Variants in GNB4 observed in about 807,000 individuals in gnomAD.
The protein encoded by GNB4 is G protein subunit beta 4.
A neutral mutation model predicts 45.2 loss-of-function variants in GNB4; 28 were observed. That is an observed-to-expected ratio of 0.62 (90% CI 0.46 to 0.85). GNB4 has a LOEUF of 0.85. GNB4 is among the 40% of genes least tolerant of loss of function. GNB4 has a pLI of 0.00. For missense variants in GNB4, 321 were observed against 425.4 expected (o/e 0.75, Z 2.16); for synonymous variants, 132 against 143.7 (o/e 0.92, Z 0.58).
chr3:179,507,136 C>T, the GNB4 span, among the ~76,000 whole-genome samples: 1 of 152,174 alleles, frequency 6.6e-6, no homozygotes, highest in Non-Finnish European at 1.5e-5. Context: ...CTTCATGCAT[C>T]GTAAATAAGT....
the GNB4 span, among the ~76,000 whole-genome samples, chr3:179,478,701 C>T: frequency 2.0e-5 from 3 of 152,130 alleles, no homozygotes. Context: ...TGCACCACCA[C>T]ACCCACTGAT....
chr3:179,520,270 C>T, the GNB4 span, among the ~76,000 whole-genome samples: 2 of 151,652 alleles, frequency 1.3e-5, no homozygotes, highest in East Asian at 2.0e-4. Flanking sequence ...AAATTTCTTC[C>T]TCAGCTGTTA....
the GNB4 span, among the ~76,000 whole-genome samples, chr3:179,469,539 C>T: frequency 1.4e-4 from 21 of 151,952 alleles, no homozygotes; most frequent in Admixed American, 3.3e-4. Context: ...CTGCATGACA[C>T]GTTATTGAGT....
In GNB4 at chr3:179,423,620, A is replaced by G. The variant is rs530833956; in HGVS notation, c.57+2524T>C. On this transcript the variant is annotated intron_variant, in intron 2 of 9. Coordinates refer to ENST00000232564, the MANE Select transcript of GNB4 (RefSeq NM_021629.4). ...AACATGGTGAAACCCCGTGTCTACT[A>G]AAAATACAAAATTAGCTGGGCGTGG... Among the ~76,000 whole-genome samples the G allele has an allele frequency of 3.3e-5, 5 of 152,236 alleles. No individual in the cohort carries two copies. In the South Asian group the frequency reaches 1.0e-3, roughly 32 times the overall value.
chr3:179,486,118 G>A, the GNB4 span, among the ~76,000 whole-genome samples: 1 of 151,324 alleles, frequency 6.6e-6, no homozygotes, highest in African/African-American at 2.4e-5. Context: ...AGCTACTCGG[G>A]AGGCTGAGGC....
At chr3:179,464,405 C>T in the GNB4 span, 3 of 1,310,352 alleles carry the variant, frequency 2.3e-6, no homozygotes, top group Non-Finnish European at 3.3e-6. Flanking sequence ...CCGTGCACAG[C>T]TGCTCCCTCT....
chr3:179,476,687 T>C, the GNB4 span, among the ~76,000 whole-genome samples: 13 of 152,204 alleles, frequency 8.5e-5, no homozygotes, highest in African/African-American at 2.9e-4. Flanking sequence ...GAGAAAGCCA[T>C]GTCCCTGCAG....
chr3:179,481,784 A>C, the GNB4 span, among the ~76,000 whole-genome samples: 2 of 152,240 alleles, frequency 1.3e-5, no homozygotes. Context: ...ACTGCTCCAA[A>C]ACAAAGTCGA....
Position 179,399,876 on chromosome 3 carries a change from TAAAAGAGAA to T in GNB4, c.*1328_*1336del. The T allele has an allele frequency of 6.6e-6, 1 of 152,214 alleles. No homozygotes were observed. The highest frequency in any genetic ancestry group is 6.5e-5 in the Admixed American group (1 of 15,286). The allele number at this position is 152,214 out of a possible 1,614,324, so 9.4% of individuals were successfully genotyped here. ...ATTATCAGTCATTTAGACTTATTTG[TAAAAGAGAA>T]TCCAACAGGAAAAGTATCTTTAACT... On this transcript the variant is annotated 3_prime_UTR_variant, in exon 10 of 10. Coordinates refer to ENST00000232564, the MANE Select transcript of GNB4 (RefSeq NM_021629.4).
the GNB4 span, among the ~76,000 whole-genome samples, chr3:179,481,981 T>A: frequency 6.6e-6 from 1 of 152,128 alleles, no homozygotes; most frequent in Non-Finnish European, 1.5e-5. Context: ...CAGCTCAATA[T>A]AGCATCTACC....
chr3:179,424,049 C>T (rs62408893), intron 2 of GNB4, among the ~76,000 whole-genome samples: 27,741 of 151,856 alleles, frequency 0.18, 3,066 homozygotes, highest in East Asian at 0.35. Flanking sequence ...CAGCACAAGT[C>T]GCAGGAAAGG....
the GNB4 span, among the ~76,000 whole-genome samples, chr3:179,459,860 A>G: frequency 6.6e-6 from 1 of 152,340 alleles, no homozygotes; most frequent in East Asian, 1.9e-4. Flanking sequence ...GTTGGATCTC[A>G]TAAACAAAAA....
chr3:179,482,921 A>G, the GNB4 span, among the ~76,000 whole-genome samples: 1 of 152,084 alleles, frequency 6.6e-6, no homozygotes. Flanking sequence ...AACTTTTACA[A>G]TTTCTCTCCT....
At chr3:179,502,819 T>C in the GNB4 span, among the ~76,000 whole-genome samples, 1 of 152,144 alleles carries the variant, frequency 6.6e-6, no homozygotes, top group Non-Finnish European at 1.5e-5. Context: ...CCCATGTATA[T>C]GCATTTGTTT....
chr3:179,464,125 C>T, the GNB4 span, among the ~76,000 whole-genome samples: 1 of 152,054 alleles, frequency 6.6e-6, no homozygotes, highest in South Asian at 2.1e-4. Context: ...AGCCCCCCAA[C>T]CAATGGAATG....
At chr3:179,499,330 T>A in the GNB4 span, among the ~76,000 whole-genome samples, 6 of 152,094 alleles carry the variant, frequency 3.9e-5, no homozygotes, top group Admixed American at 2.0e-4. Context: ...GCTAGTTCTT[T>A]TTGTATTTTT....
intron 1 of GNB4, among the ~76,000 whole-genome samples, chr3:179,440,583 C>A (rs773814675): frequency 3.0e-4 from 45 of 152,028 alleles, no homozygotes; most frequent in Admixed American, 7.2e-4. Context: ...TCGATATAGG[C>A]ACAAATTGAC....
chr3:179,431,375 G>A (rs1715303747), intron 1 of GNB4, among the ~76,000 whole-genome samples: 1 of 151,916 alleles, frequency 6.6e-6, no homozygotes, highest in Non-Finnish European at 1.5e-5. Flanking sequence ...TGACCAATAT[G>A]GCGAAACCCC....
the GNB4 span, among the ~76,000 whole-genome samples, chr3:179,525,108 C>T: frequency 5.3e-5 from 8 of 152,160 alleles, no homozygotes; most frequent in African/African-American, 1.4e-4. Context: ...AGAAGGATAT[C>T]GGGTGAGTCG....
Sources: allele counts gnomAD v4.1 joint callset (sites outside exome capture counted in the v4.1 genomes callset), GRCh38; gene constraint gnomAD v4.1.1; transcripts MANE v1.5; gene names NCBI Gene and HGNC (gene_info 2026-07-23, HGNC 2026-07-21).